The following RFWD3 variants were observed in gnomAD, a reference collection of about 807,000 sequenced individuals.
The protein encoded by RFWD3 is E3 ubiquitin-protein ligase RFWD3.
In RFWD3, 65 loss-of-function variants were observed where a neutral mutation model predicts 87.7. That is an observed-to-expected ratio of 0.74 (90% CI 0.61 to 0.91). The LOEUF is 0.91. Ranked by LOEUF, RFWD3 falls within the 40% of genes least tolerant of loss-of-function variation. The pLI is 0.00. For synonymous variants in RFWD3, 433 were observed against 352.8 expected (o/e 1.23, Z -2.55); for missense variants, 1,078 against 938.5 (o/e 1.15, Z -1.94).
At chr16:74,635,200 C>A (rs147395572) in intron 8 of RFWD3, among the ~76,000 whole-genome samples, 43 of 151,968 alleles carry the variant, frequency 2.8e-4, no homozygotes, top group African/African-American at 1.0e-3. Flanking sequence ...TGGCATGAAC[C>A]CGAGAGGTGG....
intron 2 of RFWD3, among the ~76,000 whole-genome samples, chr16:74,653,122 T>A (rs1013828889): frequency 1.3e-5 from 2 of 152,132 alleles, no homozygotes; most frequent in Admixed American, 6.6e-5. Context: ...GTAAACTGCT[T>A]GTGCCTAGGA....
rs767770844 is a variant in RFWD3, at chr16:74,652,088, T to C, written c.553A>G (p.Ser185Gly). 3 of 1,614,076 alleles carry C rather than the reference T, an allele frequency of 1.9e-6. No homozygotes were observed. The highest frequency in any genetic ancestry group is 2.2e-5 in the South Asian group (2 of 91,070). The change falls in exon 3 of 13, where the codon AGC (serine) becomes GGC (glycine). Residue 185 changes from serine to glycine, a missense_variant. Coordinates refer to ENST00000361070, the MANE Select transcript of RFWD3 (RefSeq NM_018124.4). Reference sequence around the variant, plus strand: ...GCTGGCAAGTCAGGCTGGGTCCTGCTCACCTGAAAGTAAGCATCCAATGGT... The same window carrying C: ...GCTGGCAAGTCAGGCTGGGTCCTGCCCACCTGAAAGTAAGCATCCAATGGT... Reference protein sequence around the residue: ...RAPLDAYFQVSRTQPDLPATT... With the variant: ...RAPLDAYFQVGRTQPDLPATT...
intron 9 of RFWD3, 128 bp from the exon 10 acceptor site, chr16:74,631,085 G>A: frequency 1.4e-6 from 1 of 734,456 alleles, no homozygotes; most frequent in Non-Finnish European, 2.0e-6. Context: ...AAACTATCTG[G>A]ATTCCCTATT....
chr16:74,653,376 G>A (rs1960718412), intron 2 of RFWD3, among the ~76,000 whole-genome samples: 2 of 151,958 alleles, frequency 1.3e-5, no homozygotes, highest in East Asian at 1.9e-4. Flanking sequence ...AAAAACTTGG[G>A]AGGCTGAGGC....
At chr16:74,660,410 G>A (rs1478303094) in intron 2 of RFWD3, among the ~76,000 whole-genome samples, 2 of 152,048 alleles carry the variant, frequency 1.3e-5, no homozygotes, top group East Asian at 1.9e-4. Flanking sequence ...CAAAGATTGT[G>A]CCACGGGAAT....
chr16:74,650,247 T>C (rs2144254632), intron 3 of RFWD3, among the ~76,000 whole-genome samples: 1 of 152,332 alleles, frequency 6.6e-6, no homozygotes, highest in Admixed American at 6.5e-5. Context: ...ACATTTTTAA[T>C]TTAAATGATT....
intron 2 of RFWD3, among the ~76,000 whole-genome samples, chr16:74,659,959 T>C (rs1961296516): frequency 6.6e-6 from 1 of 151,900 alleles, no homozygotes; most frequent in African/African-American, 2.4e-5. Context: ...GAGGCTGAGG[T>C]AGGAAGATCG....
At position 74,630,796 on chromosome 16, in the gene RFWD3, A is replaced by G; in HGVS notation, c.1739T>C (p.Val580Ala). Residue 580 changes from valine to alanine, a missense_variant, in exon 10 of 13, where the codon GTA (valine) becomes GCA (alanine). Val to Ala is a moderately conservative substitution (Grantham distance 64). Coordinates refer to ENST00000361070, the MANE Select transcript of RFWD3 (RefSeq NM_018124.4). ...GGCTCCCTACCTGGCTTTCTGAGCT[A>G]CTAACTCCTGCACATGACTGCTCGT... ...RNTSSHVQEL[V>A]AQKARCPLVS... The G allele has an allele frequency of 1.9e-6, 3 of 1,604,480 alleles. No individual in the cohort carries two copies. The highest frequency in any genetic ancestry group is 1.1e-5 in the South Asian group (1 of 89,348).
chr16:74,645,745 C>CTT (rs71376293), intron 4 of RFWD3, among the ~76,000 whole-genome samples: 1,828 of 74,244 alleles, frequency 0.025, 49 homozygotes, highest in African/African-American at 0.043. Context: ...CAAATATTTT[C>CTT]TTTTTTTTTT....
At chr16:74,640,498 T>C (rs1462930054) in intron 6 of RFWD3, among the ~76,000 whole-genome samples, 5 of 152,090 alleles carry the variant, frequency 3.3e-5, no homozygotes, top group Non-Finnish European at 5.9e-5. Context: ...AAAAATATAC[T>C]ATTTAGTAAA....
chr16:74,657,498 C>G (rs375812818), intron 2 of RFWD3, among the ~76,000 whole-genome samples: 1 of 117,956 alleles, frequency 8.5e-6, no homozygotes, highest in Non-Finnish European at 1.7e-5. Context: ...TTTTTTGAGA[C>G]GGAGTCTCGC....
At chr16:74,661,680 T>C (rs1170362554) in intron 1 of RFWD3, among the ~76,000 whole-genome samples, 8 of 152,188 alleles carry the variant, frequency 5.3e-5, no homozygotes, top group Non-Finnish European at 1.0e-4. Context: ...TTAGAAAACA[T>C]GAAGTCCTGT....
chr16:74,657,131 G>A (rs1273378752), intron 2 of RFWD3, among the ~76,000 whole-genome samples: 3 of 152,182 alleles, frequency 2.0e-5, no homozygotes, highest in South Asian at 4.1e-4. Flanking sequence ...ACCACCAACA[G>A]GTCATATAAA....
rs1340048852 is a variant in RFWD3 at position 74,644,352 on chromosome 16, T to C, written c.1079+10A>G. 3 of 1,613,568 alleles carry C rather than the reference T, an allele frequency of 1.9e-6. No homozygotes were observed. The highest frequency in any genetic ancestry group is 2.5e-6 in the Non-Finnish European group (3 of 1,179,808). On this transcript the variant is annotated intron_variant, in intron 6 of 12. Transcript: ENST00000361070. ...GGAACATTCCAGCCAGGCATACTCTTACCACCTACCTTTTCATGCGCTCCT... is the reference window on the plus strand; with the variant it reads ...GGAACATTCCAGCCAGGCATACTCTCACCACCTACCTTTTCATGCGCTCCT...
intron 2 of RFWD3, among the ~76,000 whole-genome samples, chr16:74,658,308 C>T (rs1961158780): frequency 6.6e-6 from 1 of 152,192 alleles, no homozygotes; most frequent in African/African-American, 2.4e-5. Flanking sequence ...TGAGTGATGA[C>T]CCCCACTGCC....
rs903051586 is a variant in RFWD3, at chr16:74,637,845, G to T, written c.1194+11C>A. The T allele has an allele frequency of 1.3e-6, 2 of 1,599,436 alleles. No homozygotes were observed. Among genetic ancestry groups the T allele is most frequent in the Non-Finnish European group, 1.7e-6 (2 of 1,168,470 alleles). On this transcript the variant is annotated intron_variant, in intron 7 of 12. Transcript: ENST00000361070. ...TCCAAAAGTTCTTTGGATTAGAAAGGACAAACGTACCTGAACACGCCTTTG... is the reference window on the plus strand; with the variant it reads ...TCCAAAAGTTCTTTGGATTAGAAAGTACAAACGTACCTGAACACGCCTTTG...
intron 6 of RFWD3, among the ~76,000 whole-genome samples, chr16:74,642,913 A>G (rs531375596): frequency 2.0e-5 from 3 of 152,332 alleles, no homozygotes; most frequent in South Asian, 4.1e-4. Context: ...ACTTTTTCTA[A>G]TGAGGCTGGA....
intron 6 of RFWD3, among the ~76,000 whole-genome samples, chr16:74,640,954 C>T (rs1007719835): frequency 6.6e-6 from 1 of 151,704 alleles, no homozygotes; most frequent in African/African-American, 2.4e-5. Context: ...AAATAAAATT[C>T]ACAAAGGTAT....
chr16:74,651,389 A>G (rs545099394), intron 3 of RFWD3, among the ~76,000 whole-genome samples: 3 of 152,244 alleles, frequency 2.0e-5, no homozygotes, highest in Middle Eastern at 6.8e-3. Flanking sequence ...AGGCTGAGGT[A>G]GGTGGATCTC....
Sources: gnomAD v4.1 joint callset for allele counts (sites outside exome capture counted in the v4.1 genomes callset) on GRCh38, gnomAD v4.1.1 for gene constraint, MANE v1.5 for transcripts, NCBI Gene and HGNC (gene_info 2026-07-23, HGNC 2026-07-21) for gene names.